The following ITGA1 variants were observed in gnomAD, a reference collection of about 807,000 sequenced individuals.
The protein encoded by ITGA1 is integrin subunit alpha 1.
In ITGA1, 85 loss-of-function variants were observed where a neutral mutation model predicts 145.9. The ratio of observed to expected loss-of-function variants is 0.58; its 90% confidence interval spans 0.49 to 0.70. The LOEUF is 0.70. Ranked by LOEUF, ITGA1 falls within the 30% of genes least tolerant of loss-of-function variation. The probability of loss-of-function intolerance (pLI) is 0.00; values close to 1 mark genes in which losing one functional copy is unlikely to be tolerated. For synonymous variants in ITGA1, 520 were observed against 495.3 expected (o/e 1.05, Z -0.66); for missense variants, 1,351 against 1,418.7 (o/e 0.95, Z 0.77).
intron 11 of ITGA1, among the ~76,000 whole-genome samples, chr5:52,900,383 G>C (rs1750295785): frequency 6.6e-6 from 1 of 152,062 alleles, no homozygotes; most frequent in African/African-American, 2.4e-5. Context: ...TATAAAAAAT[G>C]TTCGTACCAC....
At chr5:52,913,196 G>A (rs1750594772) in intron 14 of ITGA1, among the ~76,000 whole-genome samples, 2 of 152,044 alleles carry the variant, frequency 1.3e-5, no homozygotes, top group African/African-American at 4.8e-5. Flanking sequence ...GGGACATTTA[G>A]TGTGTCCCGT....
At chr5:52,847,134 G>A (rs995784468) in intron 1 of ITGA1, among the ~76,000 whole-genome samples, 22 of 152,124 alleles carry the variant, frequency 1.4e-4, no homozygotes, top group Admixed American at 5.2e-4. Context: ...TTATCTCCAT[G>A]AGAGGTTTCT....
Position 52,865,814 on chromosome 5 carries a change from A to G in ITGA1, c.621A>G (p.Thr207=). ...LERMDIGPKQ[T]QVGIVQYGEN... ...GAATGGATATTGGTCCTAAACAGACACAGGTATGTGACTTTGTGTTTTGAT... is the reference window on the plus strand; with the variant it reads ...GAATGGATATTGGTCCTAAACAGACGCAGGTATGTGACTTTGTGTTTTGAT... The change falls in exon 6 of 29, where the codon ACA becomes ACG. Residue 207 remains threonine (T), a synonymous_variant. Transcript: ENST00000282588. The G allele has an allele frequency of 6.3e-7, 1 of 1,581,216 alleles. No individual in the cohort carries two copies. Among genetic ancestry groups the G allele is most frequent in the South Asian group, 1.2e-5 (1 of 84,996 alleles).
At chr5:52,811,143 C>G (rs1458395485) in intron 1 of ITGA1, among the ~76,000 whole-genome samples, 1 of 152,170 alleles carries the variant, frequency 6.6e-6, no homozygotes, top group Non-Finnish European at 1.5e-5. Context: ...TTTGCAAGAA[C>G]ATTGCATTTG....
chr5:52,868,377 T>C (rs908236337), intron 6 of ITGA1, among the ~76,000 whole-genome samples: 5 of 152,194 alleles, frequency 3.3e-5, no homozygotes, highest in African/African-American at 1.2e-4. Flanking sequence ...TGAAGATCTA[T>C]GCCAGTGACT....
intron 7 of ITGA1, among the ~76,000 whole-genome samples, chr5:52,884,916 G>T (rs1399444282): frequency 1.3e-5 from 2 of 152,132 alleles, no homozygotes; most frequent in Admixed American, 6.5e-5. Flanking sequence ...AGTCCTTCAA[G>T]AATTCATTCC....
In ITGA1 at chr5:52,939,789, A is replaced by G. The variant is rs757128877; in HGVS notation, c.3181-51A>G. On this transcript the variant is annotated intron_variant, in intron 25 of 28. Transcript: ENST00000282588. ...CCATCTGAAGAATTTAAATATAGAT[A>G]TTTGATAAAACGGCAAGAATACTGA... The G allele has an allele frequency of 1.7e-5, 25 of 1,443,938 alleles. No homozygotes were observed. The African/African-American group carries it at 3.1e-4, about 18-fold the overall frequency. The allele number at this position is 1,443,938 out of a possible 1,614,324, so 89.4% of individuals were successfully genotyped here.
chr5:52,909,012 G>A lies in ITGA1; in HGVS notation c.1570G>A (p.Gly524Arg). The change falls in exon 13 of 29, where the codon GGA becomes AGA. Residue 524 changes from glycine to arginine, a missense_variant. By Grantham distance (125) the Gly-to-Arg change is moderately radical. Coordinates refer to ENST00000282588, the MANE Select transcript of ITGA1 (RefSeq NM_181501.2). ...CATGGGAACAGAGAAGGAGGAGCAA[G>A]GAAAAGTGTATGTGTATGCTCTCAA... ...MYMGTEKEEQ[G>R]KVYVYALNQT... 1 of 1,613,890 alleles carries A rather than the reference G, an allele frequency of 6.2e-7. No homozygotes were observed. The highest frequency in any genetic ancestry group is 8.5e-7 in the Non-Finnish European group (1 of 1,179,860).
At chr5:52,950,090 A>T (rs1311120836) in intron 28 of ITGA1, among the ~76,000 whole-genome samples, 4 of 152,232 alleles carry the variant, frequency 2.6e-5, no homozygotes, top group Middle Eastern at 6.3e-3. Context: ...AAGTGTTAGT[A>T]GCTGCTTAAT....
chr5:52,880,816 T>C (rs1475730295), intron 6 of ITGA1, among the ~76,000 whole-genome samples: 1 of 152,182 alleles, frequency 6.6e-6, no homozygotes, highest in African/African-American at 2.4e-5. Flanking sequence ...GATTTTGAGA[T>C]AGGATGGTTA....
intron 27 of ITGA1, among the ~76,000 whole-genome samples, chr5:52,945,426 CT>C (rs1751121328): frequency 6.6e-6 from 1 of 152,120 alleles, no homozygotes; most frequent in African/African-American, 2.4e-5. Flanking sequence ...TAAAAAGTGC[CT>C]TTATACTGTA....
chr5:52,879,684 T>C (rs1447657701), intron 6 of ITGA1, among the ~76,000 whole-genome samples: 1 of 152,190 alleles, frequency 6.6e-6, no homozygotes, highest in Non-Finnish European at 1.5e-5. Context: ...TTTATTATTT[T>C]TGTGTAATTA....
chr5:52,920,376 C>A lies in ITGA1; in HGVS notation c.2200C>A (p.Arg734=). ...CCTAGATTCACTAAGACAAATATCA[C>A]GAAGTTTTTTCTCTGGAACTCAAGA... The part of the protein sequence containing the change: ...VTLDSLRQIS[R]SFFSGTQERK... The change falls in exon 17 of 29, where the codon CGA becomes AGA. Residue 734 remains arginine, a synonymous_variant. Transcript: ENST00000282588. The A allele has an allele frequency of 1.2e-6, 2 of 1,611,228 alleles. No individual in the cohort carries two copies.
chr5:52,867,031 T>A (rs1749698654), intron 6 of ITGA1: 1 of 151,780 alleles, frequency 6.6e-6, no homozygotes, highest in South Asian at 2.1e-4. Flanking sequence ...TTTTTTTTTT[T>A]TCTGAGGACT....
intron 2 of ITGA1, among the ~76,000 whole-genome samples, chr5:52,859,626 A>G (rs1749567608): frequency 6.6e-6 from 1 of 152,204 alleles, no homozygotes; most frequent in African/African-American, 2.4e-5. Flanking sequence ...CAGACTTTCA[A>G]ATATTTAAAT....
intron 26 of ITGA1, among the ~76,000 whole-genome samples, chr5:52,942,685 C>T (rs1235937124): frequency 6.8e-6 from 1 of 147,894 alleles, no homozygotes; most frequent in African/African-American, 2.5e-5. Flanking sequence ...CACCCACCAC[C>T]ATGCCCGGCT....
intron 6 of ITGA1, among the ~76,000 whole-genome samples, chr5:52,873,463 T>TATC (rs1309079957): frequency 6.6e-6 from 1 of 152,242 alleles, no homozygotes; most frequent in Non-Finnish European, 1.5e-5. Context: ...ATCTATTATG[T>TATC]ATCAACTTTA....
At chr5:52,866,519 T>C (rs2111779193) in intron 6 of ITGA1, among the ~76,000 whole-genome samples, 1 of 152,330 alleles carries the variant, frequency 6.6e-6, no homozygotes, top group Non-Finnish European at 1.5e-5. Context: ...CACATTATAA[T>C]CTCTCCTCTC....
At chr5:52,835,065 A>G (rs1317070909) in intron 1 of ITGA1, among the ~76,000 whole-genome samples, 1 of 152,144 alleles carries the variant, frequency 6.6e-6, no homozygotes, top group Non-Finnish European at 1.5e-5. Context: ...CCCATACAAT[A>G]CTTCCACTTA....
Sources: gnomAD v4.1 joint callset for allele counts (sites outside exome capture counted in the v4.1 genomes callset) on GRCh38, gnomAD v4.1.1 for gene constraint, MANE v1.5 for transcripts, NCBI Gene and HGNC (gene_info 2026-07-23, HGNC 2026-07-21) for gene names.